Variants in SGO2 observed in about 807,000 individuals in gnomAD.
SGO2 encodes shugoshin-like 2.
Under a neutral mutation model 99.5 loss-of-function variants are expected in SGO2, and 68 were observed. The observed-to-expected ratio is 0.68, with a 90% confidence interval of 0.56 to 0.84. SGO2 has a LOEUF of 0.84. Among genes scored for constraint, SGO2 ranks in the 40% least tolerant of loss-of-function variants. SGO2 has a pLI of 0.00. For missense variants in SGO2, 1,350 were observed against 1,436.7 expected, an observed-to-expected ratio of 0.94 and a Z score of 0.97; for synonymous variants, 457 against 487.1, an observed-to-expected ratio of 0.94 and a Z score of 0.81.
rs374464746 is a variant in SGO2, at chr2:200,571,982, G to C, written c.1636G>C (p.Asp546His). Residue 546 changes from aspartate (D) to histidine (H), a missense_variant, in exon 7 of 9, where the codon GAT (aspartate) becomes CAT (histidine). Transcript: ENST00000357799. The part of the protein sequence containing the change: ...QTFVIHKLEK[D>H]NLLPNQKDKV... ...ATTTGTGATTCACAAATTAGAAAAA[G>C]ATAACTTACTCCCAAACCAAAAGGA... 7 of 1,609,528 alleles carry C rather than the reference G, an allele frequency of 4.3e-6. No homozygotes were observed. In the African/African-American group the frequency reaches 9.4e-5, roughly 22 times the overall value.
At chr2:200,574,587 G>A (rs2033583465) in intron 7 of SGO2, among the ~76,000 whole-genome samples, 1 of 151,986 alleles carries the variant, frequency 6.6e-6, no homozygotes, top group South Asian at 2.1e-4. Context: ...CCTTAAATAG[G>A]TAGCATTTTA....
At chr2:200,545,937 T>C (rs1402766458) in intron 5 of SGO2, among the ~76,000 whole-genome samples, 1 of 152,094 alleles carries the variant, frequency 6.6e-6, no homozygotes, top group African/African-American at 2.4e-5. Flanking sequence ...GCCCAGAAAC[T>C]CTGCTCTGTA....
At chr2:200,545,537 A>T in intron 5 of SGO2, among the ~76,000 whole-genome samples, 1 of 151,404 alleles carries the variant, frequency 6.6e-6, no homozygotes, top group Admixed American at 6.6e-5. Context: ...TTGCCCCAAC[A>T]AAACAAAACA....
At position 200,573,638 on chromosome 2, in the gene SGO2, A is replaced by G; in HGVS notation, c.3292A>G (p.Arg1098Gly). 1 of 1,613,114 alleles carries G rather than the reference A, an allele frequency of 6.2e-7. No individual in the cohort carries two copies. Among genetic ancestry groups the G allele is most frequent in the Non-Finnish European group, 8.5e-7 (1 of 1,179,448 alleles). ...PSPESHEVME[R>G]ILDSVQGKST... ...TCCAGAGAGCCATGAAGTAATGGAA[A>G]GAATACTTGACAGCGTTCAGGGAAA... is the stretch of plus-strand genomic sequence containing the variant. Residue 1098 changes from arginine (R) to glycine (G), a missense_variant, in exon 7 of 9, where the codon AGA (arginine) becomes GGA (glycine). Arg to Gly is a moderately radical substitution (Grantham distance 125, BLOSUM62 -2). Transcript: ENST00000357799.
intron 5 of SGO2, among the ~76,000 whole-genome samples, chr2:200,550,930 ACTGTCT>A (rs1398086240): frequency 2.0e-5 from 3 of 151,970 alleles, no homozygotes; most frequent in Admixed American, 2.0e-4. Context: ...ATATTTGCAA[ACTGTCT>A]CTCTGAGAAA....
rs2033354237 is a variant in SGO2, at chr2:200,570,402, C to T, written c.703+510C>T. Among the ~76,000 whole-genome samples, 2 of 150,380 alleles carry T rather than the reference C, an allele frequency of 1.3e-5. No homozygotes were observed. Among genetic ancestry groups the T allele is most frequent in the African/African-American group, 4.9e-5 (2 of 40,872 alleles). On this transcript the variant is annotated intron_variant, in intron 6 of 8. Transcript: ENST00000357799. This position sits in a 1 kb window ranked among gnomAD's most constrained non-coding sequence, Gnocchi z 4.4. ...TGTAGTCTGGTGCTTACAGATTTGC[C>T]ATAGATTTTCAGACTGGGATATGGA...
intron 5 of SGO2, among the ~76,000 whole-genome samples, chr2:200,556,914 C>A (rs932942855): frequency 2.2e-4 from 33 of 152,092 alleles, no homozygotes; most frequent in African/African-American, 7.2e-4. Flanking sequence ...GCAAAGAGTT[C>A]AGGGAAGCCA....
chr2:200,580,175 T>A (rs770261251), intron 8 of SGO2, among the ~76,000 whole-genome samples: 1 of 152,162 alleles, frequency 6.6e-6, no homozygotes, highest in Non-Finnish European at 1.5e-5. Flanking sequence ...CACAGGAAAT[T>A]ATCCATTTCA....
At chr2:200,581,233 T>C (rs991796574) in intron 8 of SGO2, among the ~76,000 whole-genome samples, 1 of 152,158 alleles carries the variant, frequency 6.6e-6, no homozygotes, top group Admixed American at 6.5e-5. Flanking sequence ...ATTTACTGTA[T>C]TTATTATGTT....
intron 8 of SGO2, 105 bp downstream of exon 8, chr2:200,575,566 T>C (rs2033627437): frequency 8.9e-6 from 7 of 783,966 alleles, no homozygotes; most frequent in Middle Eastern, 4.1e-4. Context: ...ATAAAATGTA[T>C]ATTATTGATA....
In SGO2 at chr2:200,573,813, G is replaced by A. The variant is rs371539494; in HGVS notation, c.3467G>A (p.Arg1156His). The A allele has an allele frequency of 2.9e-5, 47 of 1,612,666 alleles. No individual in the cohort carries two copies. The highest frequency in any genetic ancestry group is 2.6e-4 in the South Asian group (24 of 90,872). The change falls in exon 7 of 9, where the codon CGT becomes CAT. Residue 1156 changes from arginine to histidine, a missense_variant. Physicochemically the swap from Arg to His is conservative, Grantham distance 29. Coordinates refer to ENST00000357799, the MANE Select transcript of SGO2 (RefSeq NM_152524.6). ...CAAGATTCTTCCTTTGACAGTGTTCGTGAAGGTTTAGTACCTTTGAGCGTT... is the reference window on the plus strand; with the variant it reads ...CAAGATTCTTCCTTTGACAGTGTTCATGAAGGTTTAGTACCTTTGAGCGTT... ...NIQDSSFDSV[R>H]EGLVPLSVSS...
At chr2:200,528,858 C>T (rs189579078) in intron 1 of SGO2, among the ~76,000 whole-genome samples, 1 of 152,166 alleles carries the variant, frequency 6.6e-6, no homozygotes, top group Admixed American at 6.5e-5. Context: ...GAAAATCCTG[C>T]CTCAGAACAA....
intron 8 of SGO2, among the ~76,000 whole-genome samples, chr2:200,580,981 G>A (rs1424252194): frequency 6.6e-6 from 1 of 151,916 alleles, no homozygotes; most frequent in African/African-American, 2.4e-5. Flanking sequence ...TTTTCTTTAG[G>A]AGTTATTAGG....
In SGO2 at chr2:200,542,577, A is replaced by G. The variant is rs1020178418; in HGVS notation, c.388-2A>G. The G allele has an allele frequency of 6.2e-7, 1 of 1,608,104 alleles. No individual in the cohort carries two copies. The highest frequency in any genetic ancestry group is 1.3e-5 in the African/African-American group (1 of 74,574). ...TGTTTTCTTTATTTTTTTCAAAAAT[A>G]GTTCCATCAGAGTTCCTTTCTACTG... On this transcript the variant is annotated splice_acceptor_variant, in intron 4 of 8. Transcript: ENST00000357799. LOFTEE classifies it high-confidence loss of function.
intron 1 of SGO2, among the ~76,000 whole-genome samples, chr2:200,529,990 C>A (rs2106299279): frequency 6.6e-6 from 1 of 152,168 alleles, no homozygotes; most frequent in East Asian, 1.9e-4. Flanking sequence ...CTGAAGAATG[C>A]CTGGCATATG....
Position 200,573,268 on chromosome 2 carries a change from T to G in SGO2, c.2922T>G (p.Asp974Glu). The G allele has an allele frequency of 6.2e-7, 1 of 1,600,284 alleles. No individual in the cohort carries two copies. The highest frequency in any genetic ancestry group is 1.1e-5 in the South Asian group (1 of 87,296). ...EVNSNEKESCDQILDSYKVVK... is the reference protein window; with the variant it reads ...EVNSNEKESCEQILDSYKVVK... ...ACAGTAATGAAAAGGAAAGTTGTGA[T>G]CAAATTTTAGATTCCTACAAAGTAG... Residue 974 changes from aspartate to glutamate, a missense_variant, in exon 7 of 9, where the codon GAT (aspartate) becomes GAG (glutamate). Physicochemically the swap from Asp to Glu is conservative, Grantham distance 45. Transcript: ENST00000357799.
chr2:200,572,256 T>G lies in SGO2; in HGVS notation c.1910T>G (p.Val637Gly). ...NHMYEDNDKD[V>G]VHGLKKGNFF... ...ATGTATGAGGATAATGATAAAGATG[T>G]GGTGCATGGCCTAAAAAAAGGTAAT... Residue 637 changes from valine to glycine, a missense_variant, in exon 7 of 9, where the codon GTG becomes GGG. Val to Gly is a moderately radical substitution (Grantham distance 109). Transcript: ENST00000357799. 6.2e-7 allele frequency: 1 copy of G among 1,612,398 alleles called. No individual in the cohort carries two copies. The highest frequency in any genetic ancestry group is 8.5e-7 in the Non-Finnish European group (1 of 1,179,444).
intron 7 of SGO2, among the ~76,000 whole-genome samples, chr2:200,574,905 G>A (rs186737301): frequency 5.7e-5 from 7 of 123,286 alleles, no homozygotes; most frequent in African/African-American, 9.2e-5. Flanking sequence ...AGGTTTTGGC[G>A]GGTAAGTCAA....
In SGO2 at chr2:200,572,340, A is replaced by G. The variant is rs2033462087; in HGVS notation, c.1994A>G (p.Lys665Arg). The G allele has an allele frequency of 1.2e-6, 2 of 1,610,120 alleles. No homozygotes were observed. Residue 665 changes from lysine (K) to arginine (R), a missense_variant, in exon 7 of 9, where the codon AAA becomes AGA. Transcript: ENST00000357799. The part of the protein sequence containing the change: ...EPISENIEVS[K>R]ELQIPALSTR... ...ATCTCTGAAAACATAGAAGTTTCCAAAGAGCTTCAAATCCCAGCTCTTTCT... is the reference window on the plus strand; with the variant it reads ...ATCTCTGAAAACATAGAAGTTTCCAGAGAGCTTCAAATCCCAGCTCTTTCT...
Sources: gnomAD v4.1 joint callset for allele counts (sites outside exome capture counted in the v4.1 genomes callset) on GRCh38, gnomAD v4.1.1 for gene constraint, Gnocchi (gnomAD v3.1) non-coding constraint, MANE v1.5 for transcripts, NCBI Gene and HGNC (gene_info 2026-07-23, HGNC 2026-07-21) for gene names.